The following CFAP92 variants were observed in gnomAD, a reference collection of about 807,000 sequenced individuals.
CFAP92 encodes cilia and flagella associated protein 92 (putative).
A neutral mutation model predicts 106.3 loss-of-function variants in CFAP92; 86 were observed. The ratio of observed to expected loss-of-function variants is 0.81; its 90% CI spans 0.68 to 0.97. The LOEUF (loss-of-function observed/expected upper bound fraction) is 0.97. Ranked by LOEUF, CFAP92 falls within the 50% of genes least tolerant of loss-of-function variation. The pLI, the probability that CFAP92 is intolerant of heterozygous loss-of-function variation, is 0.00. For synonymous variants in CFAP92, 477 were observed against 506.4 expected (o/e 0.94, Z 0.78); for missense variants, 1,204 against 1,283.8 (o/e 0.94, Z 0.95).
chr3:128,957,174 T>G (rs1350057448), intron 9 of CFAP92, among the ~76,000 whole-genome samples: 2 of 152,014 alleles, frequency 1.3e-5, no homozygotes, highest in Non-Finnish European at 1.5e-5. Flanking sequence ...ACAAAAGAAG[T>G]CTTGGAACAT....
At chr3:128,963,817 T>C (rs1942148921) in intron 9 of CFAP92, among the ~76,000 whole-genome samples, 1 of 150,006 alleles carries the variant, frequency 6.7e-6, no homozygotes, top group Admixed American at 6.7e-5. Context: ...CAGTGTTCCA[T>C]CTGCTATTCT....
At chr3:129,001,916 C>T (rs1196785986) in intron 1 of CFAP92, 4 of 1,538,902 alleles carry the variant, frequency 2.6e-6, no homozygotes, top group Admixed American at 4.0e-5. Flanking sequence ...CCACCACGGC[C>T]GGGCAGGCAG....
intron 9 of CFAP92, among the ~76,000 whole-genome samples, chr3:128,960,668 G>A (rs1003824658): frequency 1.3e-5 from 2 of 152,258 alleles, no homozygotes; most frequent in Non-Finnish European, 2.9e-5. Flanking sequence ...AGACCACGCA[G>A]GGACGCCTGC....
chr3:128,993,869 G>A (rs1944368662), intron 1 of CFAP92, 111 bp downstream of exon 1: 1 of 838,252 alleles, frequency 1.2e-6, no homozygotes, highest in Non-Finnish European at 1.4e-6. Context: ...GCGGAACGCC[G>A]GGCAAACGCC....
Position 128,915,196 on chromosome 3 carries a change from T to C in CFAP92, c.3203A>G (p.His1068Arg), listed in dbSNP as rs1256845897. 1 of 1,536,166 alleles carries C rather than the reference T, an allele frequency of 6.5e-7. No homozygotes were observed. The highest frequency in any genetic ancestry group is 8.7e-7 in the Non-Finnish European group (1 of 1,146,920). The change falls in exon 15 of 16, where the codon CAC (histidine) becomes CGC (arginine). Residue 1068 changes from histidine to arginine, a missense_variant. By Grantham distance (29) the His-to-Arg change is conservative (BLOSUM62 0). Transcript: ENST00000645291. ...DRDRWSWDRHHVDFDLYKKPP... is the reference protein window; with the variant it reads ...DRDRWSWDRHRVDFDLYKKPP... ...TTTCTTGTACAGATCAAAGTCCACG[T>C]GGTGCCTGTCCCAGCTCCACCTGTC...
intron 1 of CFAP92, chr3:129,002,309 C>A: frequency 6.6e-7 from 1 of 1,523,106 alleles, no homozygotes; most frequent in South Asian, 1.2e-5. Flanking sequence ...GTGATGCGCG[C>A]TGCCTAGCAC....
chr3:128,985,856 T>C (rs956772736), intron 4 of CFAP92, among the ~76,000 whole-genome samples: 1 of 152,214 alleles, frequency 6.6e-6, no homozygotes, highest in Admixed American at 6.5e-5. Flanking sequence ...AGGGGTGATT[T>C]TGACCCCCAG....
At chr3:128,995,437 C>T (rs1397108419), upstream of CFAP92, among the ~76,000 whole-genome samples, 1 of 152,224 alleles carries the variant, frequency 6.6e-6, no homozygotes, top group Non-Finnish European at 1.5e-5. Context: ...CTGCAGCAGC[C>T]TGGAGACTGC....
At chr3:128,917,853 T>C (rs1303864502) in intron 12 of CFAP92, among the ~76,000 whole-genome samples, 2 of 151,954 alleles carry the variant, frequency 1.3e-5, no homozygotes, top group African/African-American at 4.8e-5. Flanking sequence ...AGGATGGAAA[T>C]AACATCCAAA....
upstream of CFAP92, chr3:129,003,895 G>C: frequency 7.3e-7 from 1 of 1,377,354 alleles, no homozygotes; most frequent in Non-Finnish European, 9.4e-7. Flanking sequence ...CCCTGGCTGC[G>C]GCGGAGGCCC....
chr3:129,001,768 AG>A (rs1944771201), intron 1 of CFAP92: 1 of 1,542,688 alleles, frequency 6.5e-7, no homozygotes, highest in South Asian at 1.2e-5. Flanking sequence ...GTGGAGAACG[AG>A]ATCGTGGTGC....
At chr3:128,951,906 C>T (rs1940844361) in intron 9 of CFAP92, among the ~76,000 whole-genome samples, 1 of 152,104 alleles carries the variant, frequency 6.6e-6, no homozygotes, top group Non-Finnish European at 1.5e-5. Flanking sequence ...CCCCAACCCT[C>T]AATGGAAATG....
chr3:128,939,672 C>T lies in CFAP92; in HGVS notation c.2259-4353G>A, dbSNP rs185658435. Among the ~76,000 whole-genome samples the T allele has an allele frequency of 1.1e-4, 16 of 152,202 alleles. No individual in the cohort carries two copies. The East Asian group carries it at 1.7e-3, about 17-fold the overall frequency. On this transcript the variant is annotated intron_variant, in intron 10 of 15. Coordinates refer to ENST00000645291, the MANE Select transcript of CFAP92 (RefSeq NM_001394090.1). ...CCGCCCTAAGTATCTACCAATCCAG[C>T]GGTCCCCAACCTATTTGGTACCACG...
upstream of CFAP92, among the ~76,000 whole-genome samples, chr3:128,995,153 T>C (rs9813858): frequency 0.031 from 4,658 of 152,228 alleles, 231 homozygotes; most frequent in African/African-American, 0.11. Flanking sequence ...TTTAGCTGAG[T>C]TGAGCTATGA....
chr3:129,025,918 G>A, the CFAP92 span, among the ~76,000 whole-genome samples: 2 of 152,228 alleles, frequency 1.3e-5, no homozygotes, highest in Non-Finnish European at 2.9e-5. Flanking sequence ...CAGCTGGGCC[G>A]GGTCATTCCA....
chr3:128,945,901 A>T lies in CFAP92; in HGVS notation c.1428T>A (p.His476Gln). Residue 476 changes from histidine (H) to glutamine (Q), a missense_variant, in exon 10 of 16, where the codon CAT becomes CAA. Coordinates refer to ENST00000645291, the MANE Select transcript of CFAP92 (RefSeq NM_001394090.1). ...TGTCCTGGAAATAAACGTGGGTTCC[A>T]TGGGGCTCCCCCTTGGTCTTGTGAA... ...TPVHKTKGEP[H>Q]GTHVYFQDIN... 6.8e-7 allele frequency: 1 copy of T among 1,464,756 alleles called. No individual in the cohort carries two copies. Among genetic ancestry groups the T allele is most frequent in the South Asian group, 1.4e-5 (1 of 70,106 alleles). 90.7% of individuals were successfully genotyped at this position (1,464,756 alleles called of 1,614,324 possible). A position where few individuals can be genotyped will look rare whatever the true frequency, so the allele number is the denominator to read the frequency against.
chr3:128,947,795 C>T (rs1303294440), intron 9 of CFAP92, among the ~76,000 whole-genome samples: 1 of 151,948 alleles, frequency 6.6e-6, no homozygotes, highest in Non-Finnish European at 1.5e-5. Context: ...TACAACTGCA[C>T]CACTGCACAC....
In CFAP92 at chr3:128,976,989, A is replaced by C; in HGVS notation, c.886T>G (p.Ser296Ala). 6.2e-7 allele frequency: 1 copy of C among 1,613,704 alleles called. No individual in the cohort carries two copies. The highest frequency in any genetic ancestry group is 8.5e-7 in the Non-Finnish European group (1 of 1,179,616). ...YEKSLKMDDS[S>A]TIQWSVSRTP... is the part of the protein sequence containing the mutation. The stretch of plus-strand genomic sequence containing the variant: ...TCGTTCAATCCTTACTGAATCGTGG[A>C]AGAATCGTCCATTTTGAGGGACTTC... Residue 296 changes from serine (S) to alanine (A), a missense_variant, in exon 6 of 16, where the codon TCC becomes GCC. Physicochemically the swap from Ser to Ala is moderately conservative, Grantham distance 99. Coordinates refer to ENST00000645291, the MANE Select transcript of CFAP92 (RefSeq NM_001394090.1).
intron 9 of CFAP92, among the ~76,000 whole-genome samples, chr3:128,947,076 A>G (rs752399202): frequency 6.6e-6 from 1 of 152,164 alleles, no homozygotes; most frequent in Non-Finnish European, 1.5e-5. Flanking sequence ...AACTGGCAGT[A>G]AAAAGGAACG....
Sources: allele counts gnomAD v4.1 joint callset (sites outside exome capture counted in the v4.1 genomes callset), GRCh38; gene constraint gnomAD v4.1.1; transcripts MANE v1.5; gene names NCBI Gene and HGNC (gene_info 2026-07-23, HGNC 2026-07-21).